The following PTPRN2 variants were observed in gnomAD, a reference collection of about 807,000 sequenced individuals.
PTPRN2 encodes protein tyrosine phosphatase receptor type N2.
PTPRN2 carries 74 observed loss-of-function variants against 118.8 expected under a neutral mutation model. The observed-to-expected ratio is 0.62, with a 90% CI of 0.52 to 0.76. The LOEUF is 0.76. Among genes scored for constraint, PTPRN2 ranks in the 30% least tolerant of loss-of-function variants. The pLI is 0.00. For missense variants in PTPRN2, 1,481 were observed against 1,394.4 expected, an observed-to-expected ratio of 1.06 and a Z score of -0.99; for synonymous variants, 641 against 608.0, an observed-to-expected ratio of 1.05 and a Z score of -0.80.
chr7:158,518,573 C>G (rs997862065), intron 1 of PTPRN2, among the ~76,000 whole-genome samples: 5 of 152,134 alleles, frequency 3.3e-5, no homozygotes, highest in African/African-American at 1.2e-4. Context: ...AGGATATAAA[C>G]AGATTACCAG....
chr7:158,451,070 G>A lies in PTPRN2; in HGVS notation c.163+38665C>T, dbSNP rs536876290. ...TAGGGGAGCTGCTGAATTTCATACG[G>A]CTTCCGTCTTCATCACTCCAATTTA... On this transcript the variant is annotated intron_variant, in intron 2 of 22. Transcript: ENST00000389418. Among the ~76,000 whole-genome samples, 6 of 152,320 alleles carry A rather than the reference G, an allele frequency of 3.9e-5. No homozygotes were observed. The South Asian group carries it at 1.2e-3, about 32-fold the overall frequency.
intron 22 of PTPRN2, among the ~76,000 whole-genome samples, 172 bp downstream of exon 22, chr7:157,548,774 G>A (rs1227490310): frequency 6.6e-6 from 1 of 152,148 alleles, no homozygotes; most frequent in South Asian, 2.1e-4. Flanking sequence ...GACCTTTGGG[G>A]GCCCAGAAGT....
intron 11 of PTPRN2, among the ~76,000 whole-genome samples, chr7:157,991,321 G>A (rs1294056662): frequency 6.6e-6 from 1 of 152,222 alleles, no homozygotes; most frequent in Non-Finnish European, 1.5e-5. Context: ...AAAGGGCAAT[G>A]GCCGGCATTT....
chr7:158,548,060 C>G (rs1826412747), intron 1 of PTPRN2, among the ~76,000 whole-genome samples: 2 of 152,240 alleles, frequency 1.3e-5, no homozygotes, highest in African/African-American at 4.8e-5. Context: ...TCCCAGGAAT[C>G]TGCACACAAG....
intron 21 of PTPRN2, among the ~76,000 whole-genome samples, chr7:157,563,930 C>T (rs112065342): frequency 5.6e-4 from 85 of 152,350 alleles, no homozygotes; most frequent in African/African-American, 1.9e-3. Context: ...ATCAGGACCA[C>T]ATGCTCCCGC....
At chr7:158,041,290 T>C (rs2128889774) in intron 11 of PTPRN2, among the ~76,000 whole-genome samples, 1 of 152,320 alleles carries the variant, frequency 6.6e-6, no homozygotes, top group South Asian at 2.1e-4. Flanking sequence ...ATCTGTATTA[T>C]CAATAATAGC....
intron 2 of PTPRN2, among the ~76,000 whole-genome samples, chr7:158,434,339 T>C (rs1438451817): frequency 6.6e-6 from 1 of 152,236 alleles, no homozygotes; most frequent in Non-Finnish European, 1.5e-5. Context: ...ATATTTGCTT[T>C]ATACATTTGA....
At chr7:157,958,944 C>T (rs1368149863) in intron 11 of PTPRN2, among the ~76,000 whole-genome samples, 1 of 152,172 alleles carries the variant, frequency 6.6e-6, no homozygotes, top group African/African-American at 2.4e-5. Flanking sequence ...ACAACCAAAG[C>T]AGTCTTAAAG....
At chr7:158,399,376 G>A (rs1226150209) in intron 2 of PTPRN2, among the ~76,000 whole-genome samples, 2 of 152,208 alleles carry the variant, frequency 1.3e-5, no homozygotes, top group Non-Finnish European at 2.9e-5. Context: ...AGTTGGCCAG[G>A]TGTGGTAGTG....
At chr7:158,340,969 T>A (rs199933400) in intron 2 of PTPRN2, among the ~76,000 whole-genome samples, 2 of 54,188 alleles carry the variant, frequency 3.7e-5, no homozygotes, top group Admixed American at 1.9e-4. Context: ...CGCCCGCAGA[T>A]GTCACTCACA....
rs748369271 is a variant in PTPRN2, at chr7:158,167,082, C to G, written c.759G>C (p.Arg253Ser). Residue 253 changes from arginine to serine, a missense_variant, in exon 6 of 23, where the codon AGG becomes AGC. Coordinates refer to ENST00000389418, the MANE Select transcript of PTPRN2 (RefSeq NM_002847.5). ...TGCCCTCCCCGGGGGGAGCTGGGGG[C>G]CTCTGGGCAGCATAGGCACTGAGGG... ...MAALSAYAAQRPPAPPGEGSL... is the reference protein window; with the variant it reads ...MAALSAYAAQSPPAPPGEGSL... The G allele has an allele frequency of 1.9e-6, 3 of 1,606,308 alleles. No homozygotes were observed. The highest frequency in any genetic ancestry group is 2.6e-6 in the Non-Finnish European group (3 of 1,175,812).
Position 158,245,917 on chromosome 7 carries a change from G to A in PTPRN2, c.278-40644C>T, listed in dbSNP as rs574018601. On this transcript the variant is annotated intron_variant, in intron 3 of 22. Transcript: ENST00000389418. ...AGGCATGGAGCTGGACATCAGTCTG[G>A]CTCGCAGGCACACTGGAAAGCTGCT... Among the ~76,000 whole-genome samples the A allele has an allele frequency of 2.6e-5, 4 of 152,076 alleles. No homozygotes were observed. In the East Asian group the frequency reaches 5.8e-4, roughly 22 times the overall value.
intron 2 of PTPRN2, among the ~76,000 whole-genome samples, chr7:158,323,674 T>C (rs1037433734): frequency 6.6e-6 from 1 of 152,166 alleles, no homozygotes; most frequent in Non-Finnish European, 1.5e-5. Context: ...TAAACAGTGG[T>C]CCTTAGAGCA....
intron 11 of PTPRN2, among the ~76,000 whole-genome samples, chr7:157,991,179 CAGG>C (rs1804227350): frequency 1.3e-5 from 2 of 152,332 alleles, no homozygotes; most frequent in East Asian, 3.9e-4. Context: ...CACAGGGCAA[CAGG>C]CTGGGGCATG....
chr7:158,470,031 C>G (rs889161216), intron 2 of PTPRN2, among the ~76,000 whole-genome samples: 1 of 150,308 alleles, frequency 6.7e-6, no homozygotes, highest in African/African-American at 2.4e-5. Context: ...TGGGATTTGT[C>G]CTAGTGCCTC....
intron 1 of PTPRN2, among the ~76,000 whole-genome samples, chr7:158,501,591 G>T (rs1026860521): frequency 6.6e-6 from 1 of 152,116 alleles, no homozygotes; most frequent in Non-Finnish European, 1.5e-5. Flanking sequence ...AGCAGTCGCA[G>T]GGGGGGACCT....
At chr7:158,168,237 C>T (rs1311977731) in intron 5 of PTPRN2, among the ~76,000 whole-genome samples, 3 of 152,206 alleles carry the variant, frequency 2.0e-5, no homozygotes, top group African/African-American at 7.2e-5. Flanking sequence ...TGCACTGAGC[C>T]TAGTATGTCC....
At chr7:158,405,367 G>C in intron 2 of PTPRN2, among the ~76,000 whole-genome samples, 1 of 152,184 alleles carries the variant, frequency 6.6e-6, no homozygotes, top group East Asian at 1.9e-4. Flanking sequence ...TCCAAGCAGA[G>C]GCTTGGTCCA....
At chr7:157,658,904 C>T (rs545064831) in intron 13 of PTPRN2, among the ~76,000 whole-genome samples, 1 of 152,224 alleles carries the variant, frequency 6.6e-6, no homozygotes, top group Admixed American at 6.5e-5. Context: ...GGAGGCCAAG[C>T]CACCCACTCG....
Sources: gnomAD v4.1 joint callset for allele counts (sites outside exome capture counted in the v4.1 genomes callset) on GRCh38, gnomAD v4.1.1 for gene constraint, MANE v1.5 for transcripts, NCBI Gene and HGNC (gene_info 2026-07-23, HGNC 2026-07-21) for gene names.